MRPL48: variants seen among roughly 807,000 people sequenced by gnomAD.
The protein encoded by MRPL48 is large ribosomal subunit protein mL48.
In MRPL48, 16 loss-of-function variants were observed where a neutral mutation model predicts 32.9. The observed-to-expected ratio is 0.49, with a 90% CI of 0.33 to 0.74. The LOEUF (loss-of-function observed/expected upper bound fraction) is 0.74, where lower values mean the gene tolerates loss of function less well. Ranked by LOEUF, MRPL48 falls within the 30% of genes least tolerant of loss-of-function variation. The pLI, the probability that MRPL48 is intolerant of heterozygous loss-of-function variation, is 0.02. For synonymous variants in MRPL48, 94 were observed against 89.2 expected, an observed-to-expected ratio of 1.05 and a Z score of -0.31; for missense variants, 206 against 245.3, an observed-to-expected ratio of 0.84 and a Z score of 1.07.
intron 7 of MRPL48, among the ~76,000 whole-genome samples, 176 bp downstream of exon 7, chr11:73,863,437 A>G (rs958688532): frequency 6.6e-6 from 1 of 152,194 alleles, no homozygotes; most frequent in African/African-American, 2.4e-5. Context: ...CCAGCTTCTG[A>G]GGCATCAGGG....
intron 6 of MRPL48, among the ~76,000 whole-genome samples, chr11:73,861,908 C>T (rs749174037): frequency 9.2e-5 from 14 of 152,184 alleles, no homozygotes; most frequent in Non-Finnish European, 1.3e-4. Flanking sequence ...TTTTACCATA[C>T]ATCTGATTCA....
intron 5 of MRPL48, among the ~76,000 whole-genome samples, chr11:73,854,043 T>G (rs2135075728): frequency 6.6e-6 from 1 of 152,324 alleles, no homozygotes; most frequent in East Asian, 1.9e-4. Context: ...AATCACAGAA[T>G]GTTACTATCA....
At chr11:73,839,330 A>G (rs1948152372) in intron 4 of MRPL48, among the ~76,000 whole-genome samples, 2 of 152,204 alleles carry the variant, frequency 1.3e-5, no homozygotes, top group Admixed American at 6.6e-5. Context: ...AGATGGGGTG[A>G]CTTAAGACAT....
chr11:73,835,389 C>G (rs1590979445), intron 4 of MRPL48, among the ~76,000 whole-genome samples: 2 of 152,292 alleles, frequency 1.3e-5, no homozygotes, highest in South Asian at 4.1e-4. Flanking sequence ...ATCCGCCTGC[C>G]TCGGCCTCCC....
intron 3 of MRPL48, among the ~76,000 whole-genome samples, chr11:73,820,068 G>A (rs1314722369): frequency 6.6e-6 from 1 of 152,046 alleles, no homozygotes. Context: ...ACTTAGCGGG[G>A]GCTACCAATC....
rs867710253 is a variant in MRPL48, at chr11:73,864,472, C to T, written c.*102C>T. Reference sequence around the variant, plus strand: ...ATCAGGAGACCCAACCCTTAGATTTCATAAGTACCCATTCCCATAGCCAGT... The same window carrying T: ...ATCAGGAGACCCAACCCTTAGATTTTATAAGTACCCATTCCCATAGCCAGT... On this transcript the variant is annotated 3_prime_UTR_variant, in exon 8 of 8. Transcript: ENST00000310614. The T allele has an allele frequency of 8.8e-7, 1 of 1,141,862 alleles. No homozygotes were observed. The highest frequency in any genetic ancestry group is 2.0e-4 in the Middle Eastern group (1 of 5,074). 70.7% of individuals were successfully genotyped at this position (1,141,862 alleles called of 1,614,324 possible).
At chr11:73,834,936 A>T (rs1483299205) in intron 4 of MRPL48, among the ~76,000 whole-genome samples, 2 of 151,584 alleles carry the variant, frequency 1.3e-5, no homozygotes, top group East Asian at 3.9e-4. Flanking sequence ...AGTTTAAGCG[A>T]TCCCCCAGCC....
At chr11:73,840,967 A>G (rs772576258) in intron 4 of MRPL48, among the ~76,000 whole-genome samples, 10 of 152,226 alleles carry the variant, frequency 6.6e-5, no homozygotes, top group Non-Finnish European at 1.3e-4. Context: ...TAAAATGAGC[A>G]AAATACTTGA....
At chr11:73,848,073 A>C (rs968844557) in intron 5 of MRPL48, among the ~76,000 whole-genome samples, 4 of 152,182 alleles carry the variant, frequency 2.6e-5, no homozygotes, top group African/African-American at 9.7e-5. Context: ...CCAGTTGCAA[A>C]AAAACATTTT....
chr11:73,794,847 C>T (rs571497589), intron 1 of MRPL48, among the ~76,000 whole-genome samples: 12 of 148,850 alleles, frequency 8.1e-5, no homozygotes, highest in Admixed American at 3.4e-4. Flanking sequence ...CGGGTTCAAG[C>T]GATTCTCCTG....
At chr11:73,862,050 G>T (rs551907379) in intron 6 of MRPL48, among the ~76,000 whole-genome samples, 208 of 152,346 alleles carry the variant, frequency 1.4e-3, no homozygotes, top group African/African-American at 4.8e-3. Context: ...CACTTTGGGA[G>T]AACAAGGCGG....
In MRPL48 at chr11:73,844,830, G is replaced by A. The variant is rs1366352055; in HGVS notation, c.225G>A (p.Val75=). The change falls in exon 5 of 8, where the codon GTG becomes GTA. Residue 75 remains valine, a synonymous_variant. Coordinates refer to ENST00000310614, the MANE Select transcript of MRPL48 (RefSeq NM_016055.6). ...AGCCCAAGAAGAAGAAGGGAAAAGTGGAAGTGAGAGCCATTAATTTGGGGA... is the reference window on the plus strand; with the variant it reads ...AGCCCAAGAAGAAGAAGGGAAAAGTAGAAGTGAGAGCCATTAATTTGGGGA... ...AEEPKKKKGK[V]EVRAINLGTD... 25 of 1,613,234 alleles carry A rather than the reference G, an allele frequency of 1.5e-5. No individual in the cohort carries two copies. The highest frequency in any genetic ancestry group is 2.1e-5 in the Non-Finnish European group (25 of 1,179,784).
chr11:73,843,807 A>G (rs1427088269), intron 4 of MRPL48, among the ~76,000 whole-genome samples: 1 of 151,968 alleles, frequency 6.6e-6, no homozygotes, highest in Non-Finnish European at 1.5e-5. Context: ...GGCCAGGAGC[A>G]GTGGCTCATG....
intron 4 of MRPL48, among the ~76,000 whole-genome samples, chr11:73,835,196 C>T (rs1391990441): frequency 1.6e-5 from 2 of 125,656 alleles, no homozygotes; most frequent in Non-Finnish European, 3.1e-5. Flanking sequence ...GGCTGGAGTG[C>T]TGTGGTGTGA....
chr11:73,825,662 A>C, intron 3 of MRPL48, 46 bp from the exon 4 acceptor site: 1 of 1,502,006 alleles, frequency 6.7e-7, no homozygotes, highest in Non-Finnish European at 9.0e-7. Flanking sequence ...AACAACGATA[A>C]TAGCAACAAC....
At chr11:73,800,041 T>C (rs1947328209) in intron 1 of MRPL48, among the ~76,000 whole-genome samples, 1 of 151,984 alleles carries the variant, frequency 6.6e-6, no homozygotes, top group Admixed American at 6.6e-5. Flanking sequence ...TTACATAAAC[T>C]TTTTTTTCCT....
At chr11:73,840,620 C>T (rs1027301654) in intron 4 of MRPL48, among the ~76,000 whole-genome samples, 2 of 152,116 alleles carry the variant, frequency 1.3e-5, no homozygotes, top group African/African-American at 4.8e-5. Flanking sequence ...CTGCCTCAGC[C>T]TCTGGAGTAG....
chr11:73,829,604 A>G (rs1947957409), intron 4 of MRPL48, among the ~76,000 whole-genome samples: 1 of 152,152 alleles, frequency 6.6e-6, no homozygotes, highest in Admixed American at 6.5e-5. Context: ...TCCTGGGTTC[A>G]AGTGATCCTC....
In MRPL48 at chr11:73,858,446, T is replaced by A. The variant is rs573434065; in HGVS notation, c.372-1461T>A. On this transcript the variant is annotated intron_variant, in intron 5 of 7. Transcript: ENST00000310614. ...TAGGTAATAATTGGCAGAGCCAATA[T>A]TTAACTCCAGGACTGACTGTCATGT... Among the ~76,000 whole-genome samples the A allele has an allele frequency of 2.0e-5, 3 of 152,370 alleles. No individual in the cohort carries two copies. In the South Asian group the frequency reaches 6.2e-4, roughly 32 times the overall value.
Sources: allele counts gnomAD v4.1 joint callset (sites outside exome capture counted in the v4.1 genomes callset), GRCh38; gene constraint gnomAD v4.1.1; transcripts MANE v1.5; gene names NCBI Gene and HGNC (gene_info 2026-07-23, HGNC 2026-07-21).